The following ASH1L variants were observed in gnomAD, a reference collection of about 807,000 sequenced individuals.
ASH1L encodes histone-lysine N-methyltransferase ASH1L.
Under a neutral mutation model 269.0 loss-of-function variants are expected in ASH1L, and 23 were observed. The ratio of observed to expected loss-of-function variants is 0.09; its 90% confidence interval spans 0.06 to 0.12. ASH1L has a LOEUF of 0.12. ASH1L is among the 10% of genes least tolerant of loss of function. The pLI, the probability that ASH1L is intolerant of heterozygous loss-of-function variation, is 1.00. For missense variants in ASH1L, 2,912 were observed against 3,567.8 expected, an observed-to-expected ratio of 0.82 and a Z score of 4.68; for synonymous variants, 1,187 against 1,253.5, an observed-to-expected ratio of 0.95 and a Z score of 1.12.
At chr1:155,413,481 C>T (rs1439317228) in intron 6 of ASH1L, among the ~76,000 whole-genome samples, 2 of 152,140 alleles carry the variant, frequency 1.3e-5, no homozygotes, top group African/African-American at 2.4e-5. Flanking sequence ...GTGGTGGGTG[C>T]CTGTAATCCC....
At chr1:155,433,949 C>A (rs1661847409) in intron 5 of ASH1L, 4 of 1,581,240 alleles carry the variant, frequency 2.5e-6, no homozygotes, top group African/African-American at 2.7e-5. Flanking sequence ...GAAACCCACA[C>A]TGCAGCAGAT....
chr1:155,356,854 C>G (rs982300233), intron 15 of ASH1L, among the ~76,000 whole-genome samples: 1 of 150,652 alleles, frequency 6.6e-6, no homozygotes, highest in African/African-American at 2.4e-5. Context: ...CTTGGGAGAT[C>G]GGGGCAGGAG....
chr1:155,378,248 C>T, intron 10 of ASH1L, 33 bp downstream of exon 10: 1 of 1,512,938 alleles, frequency 6.6e-7, no homozygotes, highest in Non-Finnish European at 9.2e-7. Context: ...ACCTTAAAGC[C>T]TATGCTTTAG....
At chr1:155,491,349 C>T (rs1666769872) in intron 2 of ASH1L, among the ~76,000 whole-genome samples, 1 of 152,096 alleles carries the variant, frequency 6.6e-6, no homozygotes, top group East Asian at 1.9e-4. Context: ...CAATCTCCTG[C>T]CTCAGCCTCC....
intron 2 of ASH1L, among the ~76,000 whole-genome samples, chr1:155,518,664 G>A (rs1668656586): frequency 7.1e-6 from 1 of 140,608 alleles, no homozygotes; most frequent in Admixed American, 7.3e-5. Context: ...AAACCACAAT[G>A]TGCTACAGCT....
chr1:155,415,381 C>CAAAA (rs371008148), intron 6 of ASH1L, among the ~76,000 whole-genome samples: 2 of 57,628 alleles, frequency 3.5e-5, no homozygotes, highest in African/African-American at 1.1e-4. Flanking sequence ...GACTCCGTCT[C>CAAAA]AAAAAAAAAA....
At chr1:155,384,604 T>C (rs1657261658) in intron 7 of ASH1L, among the ~76,000 whole-genome samples, 1 of 152,068 alleles carries the variant, frequency 6.6e-6, no homozygotes, top group Non-Finnish European at 1.5e-5. Flanking sequence ...GGTTTCACCA[T>C]GTTGCTCAGG....
chr1:155,386,983 C>CT (rs760311702), intron 7 of ASH1L, among the ~76,000 whole-genome samples: 3,142 of 143,690 alleles, frequency 0.022, 102 homozygotes, highest in African/African-American at 0.074. Context: ...ACAATTAAGT[C>CT]TTTTTTTTTT....
At chr1:155,349,707 G>GTC (rs1653699082) in intron 17 of ASH1L, 111 bp from the exon 18 acceptor site, 2 of 422,698 alleles carry the variant, frequency 4.7e-6, no homozygotes, top group Non-Finnish European at 8.4e-6. Flanking sequence ...AAAAATCCAA[G>GTC]TCTTTTTTTT....
At position 155,478,639 on chromosome 1, in the gene ASH1L, G is replaced by A; in HGVS notation, c.4231C>T (p.Pro1411Ser). ...GTGGTGAAAGAAGGAGATGGAGGAG[G>A]TGGATAAAGAGTGGGAGGATACCTT... ...YGRYPPTLYPPPPSPSFTTPL... is the reference protein window; with the variant it reads ...YGRYPPTLYPSPPSPSFTTPL... The change falls in exon 3 of 28, where the codon CCT becomes TCT. Residue 1411 changes from proline (P) to serine (S), a missense_variant. Transcript: ENST00000392403. The surrounding 1 kb of genome is among the most constrained non-coding windows in gnomAD (Gnocchi z 4.6). The A allele has an allele frequency of 1.2e-6, 2 of 1,614,018 alleles. No individual in the cohort carries two copies. Among genetic ancestry groups the A allele is most frequent in the Non-Finnish European group, 1.7e-6 (2 of 1,180,012 alleles).
At chr1:155,445,377 G>T (rs1237021508) in intron 4 of ASH1L, among the ~76,000 whole-genome samples, 1 of 152,044 alleles carries the variant, frequency 6.6e-6, no homozygotes, top group Non-Finnish European at 1.5e-5. Flanking sequence ...TAGAGATGGG[G>T]TTTTGCCATG....
intron 17 of ASH1L, among the ~76,000 whole-genome samples, chr1:155,350,877 T>G (rs946064108): frequency 7.0e-5 from 10 of 143,848 alleles, no homozygotes; most frequent in Non-Finnish European, 1.5e-4. Flanking sequence ...ACAGAGATTG[T>G]GCCACTGCAC....
At chr1:155,337,842 G>T in intron 27 of ASH1L, 91 bp from the exon 28 acceptor site, 1 of 1,305,174 alleles carries the variant, frequency 7.7e-7, no homozygotes, top group Non-Finnish European at 1.1e-6. Context: ...CGAACTCAAT[G>T]ATTCCTTTTC....
At chr1:155,452,400 TA>T (rs1321891435) in intron 4 of ASH1L, among the ~76,000 whole-genome samples, 9 of 152,182 alleles carry the variant, frequency 5.9e-5, no homozygotes, top group Non-Finnish European at 1.3e-4. Context: ...TTTTCACAAT[TA>T]AAATGTTTTT....
Position 155,335,569 on chromosome 1 carries a change from G to A in ASH1L, c.*2091C>T, listed in dbSNP as rs769293721. On this transcript the variant is annotated 3_prime_UTR_variant, in exon 28 of 28. Coordinates refer to ENST00000392403, the MANE Select transcript of ASH1L (RefSeq NM_018489.3). The stretch of plus-strand genomic sequence containing the variant: ...GCAGCTGGGGGGTTCTTTTTATTTC[G>A]TTATTATAAAATAACTGAAAAATAA... The A allele has an allele frequency of 2.0e-5, 3 of 152,068 alleles. No homozygotes were observed. The highest frequency in any genetic ancestry group is 7.3e-5 in the African/African-American group (3 of 41,244). 9.4% of individuals were successfully genotyped at this position (152,068 alleles called of 1,614,324 possible).
chr1:155,475,957 GTGCCTCAT>G (rs1374634133), intron 3 of ASH1L, among the ~76,000 whole-genome samples: 1 of 152,060 alleles, frequency 6.6e-6, no homozygotes, highest in African/African-American at 2.4e-5. Context: ...ATGAACCTGT[GTGCCTCAT>G]TCTCTATTAT....
intron 2 of ASH1L, among the ~76,000 whole-genome samples, chr1:155,492,608 ATATTCT>A (rs1666882783): frequency 6.6e-6 from 1 of 152,082 alleles, no homozygotes; most frequent in Non-Finnish European, 1.5e-5. Context: ...TACTTATTAC[ATATTCT>A]TATTCGTATT....
upstream of ASH1L, chr1:155,562,839 C>G (rs1187721406): frequency 2.0e-6 from 1 of 500,852 alleles, no homozygotes; most frequent in Admixed American, 2.4e-5. Context: ...TCTCTCCTCC[C>G]CCCCCTTCCC....
chr1:155,524,625 G>A (rs141429919), intron 1 of ASH1L, among the ~76,000 whole-genome samples: 177 of 151,974 alleles, frequency 1.2e-3, no homozygotes, highest in South Asian at 2.9e-3. Flanking sequence ...TTTAGCCCAG[G>A]AGTTCAAAGC....
Sources: allele counts gnomAD v4.1 joint callset (sites outside exome capture counted in the v4.1 genomes callset), GRCh38; gene constraint gnomAD v4.1.1; non-coding constraint Gnocchi (gnomAD v3.1); transcripts MANE v1.5; gene names NCBI Gene and HGNC (gene_info 2026-07-23, HGNC 2026-07-21).